XPR1: variants seen among roughly 807,000 people sequenced by gnomAD.
XPR1 encodes the protein solute carrier family 53 member 1.
XPR1 carries 28 observed loss-of-function variants against 87.5 expected under a neutral mutation model. The observed-to-expected ratio is 0.32, with a 90% CI of 0.24 to 0.44. XPR1 has a LOEUF of 0.44. Among genes scored for constraint, XPR1 ranks in the 20% least tolerant of loss-of-function variants. The probability of loss-of-function intolerance (pLI) is 1.00; values close to 1 mark genes in which losing one functional copy is unlikely to be tolerated. For missense variants in XPR1, 559 were observed against 862.3 expected (o/e 0.65, Z 4.41); for synonymous variants, 300 against 306.1 (o/e 0.98, Z 0.21).
chr1:180,819,789 G>C (rs1249629924), intron 7 of XPR1, among the ~76,000 whole-genome samples: 1 of 152,114 alleles, frequency 6.6e-6, no homozygotes, highest in Non-Finnish European at 1.5e-5. Flanking sequence ...AGGCCAAGGC[G>C]GGTGGATTGC....
intron 1 of XPR1, among the ~76,000 whole-genome samples, chr1:180,680,667 A>G (rs1048409065): frequency 1.3e-5 from 2 of 151,978 alleles, no homozygotes; most frequent in East Asian, 3.9e-4. Flanking sequence ...CGGCCCAAAT[A>G]GAACTATTAA....
At chr1:180,800,188 G>A (rs1461800521) in intron 3 of XPR1, among the ~76,000 whole-genome samples, 1 of 152,152 alleles carries the variant, frequency 6.6e-6, no homozygotes, top group Admixed American at 6.6e-5. Flanking sequence ...ATGAATCTGT[G>A]GACCAGCTGG....
At chr1:180,769,094 C>T (rs1470512345) in intron 2 of XPR1, among the ~76,000 whole-genome samples, 5 of 151,236 alleles carry the variant, frequency 3.3e-5, no homozygotes, top group East Asian at 1.9e-4. Context: ...AATATTTTTT[C>T]GTTTTTTAAA....
At chr1:180,681,530 C>G (rs888689660) in intron 1 of XPR1, among the ~76,000 whole-genome samples, 6 of 152,240 alleles carry the variant, frequency 3.9e-5, no homozygotes, top group African/African-American at 1.4e-4. Context: ...CCTGTAGTCC[C>G]AGCTACTTGG....
At chr1:180,734,607 G>A (rs762494533) in intron 2 of XPR1, among the ~76,000 whole-genome samples, 1 of 152,112 alleles carries the variant, frequency 6.6e-6, no homozygotes, top group Admixed American at 6.5e-5. Context: ...AGACTGGGAG[G>A]GGCCATTTCT....
At chr1:180,796,094 G>A (rs1231465930) in intron 3 of XPR1, among the ~76,000 whole-genome samples, 3 of 152,060 alleles carry the variant, frequency 2.0e-5, no homozygotes, top group Non-Finnish European at 2.9e-5. Flanking sequence ...AGGCGTGAGC[G>A]ACTGCGCCTG....
chr1:180,764,825 G>A (rs1371364817), intron 2 of XPR1, among the ~76,000 whole-genome samples: 7 of 133,152 alleles, frequency 5.3e-5, no homozygotes, highest in Admixed American at 4.3e-4. Context: ...TTGCTCTGTC[G>A]CCTAGGCTGG....
intron 7 of XPR1, among the ~76,000 whole-genome samples, chr1:180,815,241 A>G (rs1365088649): frequency 6.6e-6 from 1 of 151,804 alleles, no homozygotes; most frequent in Non-Finnish European, 1.5e-5. Flanking sequence ...AATTGCTACA[A>G]TTTGAGGGTT....
intron 11 of XPR1, among the ~76,000 whole-genome samples, chr1:180,843,055 A>C (rs1317727206): frequency 2.0e-5 from 3 of 152,184 alleles, no homozygotes; most frequent in Non-Finnish European, 2.9e-5. Flanking sequence ...TGTGCGCCCT[A>C]ATGAGGATTC....
At chr1:180,800,706 G>A (rs900717329) in intron 3 of XPR1, among the ~76,000 whole-genome samples, 1 of 152,190 alleles carries the variant, frequency 6.6e-6, no homozygotes, top group Admixed American at 6.5e-5. Context: ...TCTTTGCAAA[G>A]TCTGGATATT....
chr1:180,789,388 C>T (rs1241839479), intron 3 of XPR1, among the ~76,000 whole-genome samples: 1 of 152,128 alleles, frequency 6.6e-6, no homozygotes, highest in African/African-American at 2.4e-5. Flanking sequence ...TACCCATCAC[C>T]CAGAATTCCT....
chr1:180,696,167 T>TGG (rs1657158560), intron 2 of XPR1, among the ~76,000 whole-genome samples: 12 of 77,386 alleles, frequency 1.6e-4, no homozygotes, highest in Non-Finnish European at 1.9e-4. Flanking sequence ...TATTCCTGGG[T>TGG]GTGTGTGTGT....
intron 2 of XPR1, among the ~76,000 whole-genome samples, chr1:180,733,587 C>T (rs1304100247): frequency 6.6e-6 from 1 of 152,118 alleles, no homozygotes; most frequent in African/African-American, 2.4e-5. Context: ...AAGAAGTGCT[C>T]AACTGGAAAC....
chr1:180,743,227 G>A (rs183661465), intron 2 of XPR1, among the ~76,000 whole-genome samples: 39 of 150,146 alleles, frequency 2.6e-4, no homozygotes, highest in South Asian at 1.3e-3. Context: ...TTTTTTTTGG[G>A]GGGGGAGTAT....
At chr1:180,778,051 G>A (rs940302173) in intron 2 of XPR1, among the ~76,000 whole-genome samples, 2 of 152,088 alleles carry the variant, frequency 1.3e-5, no homozygotes, top group Non-Finnish European at 2.9e-5. Context: ...CGTGATTACA[G>A]CTCACTGCAG....
chr1:180,731,919 G>A (rs892713518), intron 2 of XPR1, among the ~76,000 whole-genome samples: 1 of 152,098 alleles, frequency 6.6e-6, no homozygotes, highest in Admixed American at 6.5e-5. Context: ...TAGGCTGGGC[G>A]TGGTGGCTCA....
At chr1:180,675,471 T>C (rs73051218) in intron 1 of XPR1, among the ~76,000 whole-genome samples, 5,117 of 152,302 alleles carry the variant, frequency 0.034, 193 homozygotes, top group African/African-American at 0.092. Flanking sequence ...TATTACTTAG[T>C]TTTCAGCTTA....
At chr1:180,883,491 C>T (rs1013527954) in intron 14 of XPR1, among the ~76,000 whole-genome samples, 4 of 151,980 alleles carry the variant, frequency 2.6e-5, no homozygotes, top group African/African-American at 9.7e-5. Flanking sequence ...GGCAGATTAC[C>T]TGAGGTCAGG....
chr1:180,770,245 A>G (rs1648460436), intron 2 of XPR1, among the ~76,000 whole-genome samples: 1 of 152,152 alleles, frequency 6.6e-6, no homozygotes, highest in Admixed American at 6.5e-5. Flanking sequence ...GCAGATTACC[A>G]TAGATAGGTT....
Sources: allele counts gnomAD v4.1 joint callset (sites outside exome capture counted in the v4.1 genomes callset), GRCh38; gene constraint gnomAD v4.1.1; transcripts MANE v1.5; gene names NCBI Gene and HGNC (gene_info 2026-07-23, HGNC 2026-07-21).